SVOPL: variants seen among roughly 807,000 people sequenced by gnomAD.
The protein encoded by SVOPL is SVOP like.
Under a neutral mutation model 61.0 loss-of-function variants are expected in SVOPL, and 60 were observed. The ratio of observed to expected loss-of-function variants is 0.98; its 90% confidence interval spans 0.80 to 1.22. The LOEUF is 1.22. Ranked by LOEUF, SVOPL falls within the 50% of genes most tolerant of loss-of-function variation. The pLI is 0.00. For synonymous variants in SVOPL, 279 were observed against 250.0 expected, an observed-to-expected ratio of 1.12 and a Z score of -1.09; for missense variants, 662 against 643.9, an observed-to-expected ratio of 1.03 and a Z score of -0.30.
intron 5 of SVOPL, 61 bp downstream of exon 5, chr7:138,663,013 G>A: frequency 1.2e-6 from 2 of 1,611,036 alleles, no homozygotes; most frequent in South Asian, 1.1e-5. Flanking sequence ...ACAGTGATAA[G>A]GTTGCCCCCA....
chr7:138,677,913 C>A (rs376239644), intron 3 of SVOPL, among the ~76,000 whole-genome samples: 1 of 152,040 alleles, frequency 6.6e-6, no homozygotes, highest in Non-Finnish European at 1.5e-5. Context: ...CAGGCACCAG[C>A]CACCAAGCCC....
At chr7:138,689,778 A>C (rs1480209003) in intron 1 of SVOPL, among the ~76,000 whole-genome samples, 1 of 150,292 alleles carries the variant, frequency 6.7e-6, no homozygotes, top group Non-Finnish European at 1.5e-5. Context: ...AATCTCTTGA[A>C]CCTGGGAGGT....
intron 14 of SVOPL, among the ~76,000 whole-genome samples, chr7:138,613,609 A>G (rs1799151392): frequency 6.6e-6 from 1 of 152,052 alleles, no homozygotes; most frequent in African/African-American, 2.4e-5. Flanking sequence ...CAACTTCAGT[A>G]TCACCTTCCC....
intron 1 of SVOPL, among the ~76,000 whole-genome samples, chr7:138,691,744 T>TAC (rs1554476784): frequency 6.6e-6 from 1 of 151,530 alleles, no homozygotes; most frequent in Non-Finnish European, 1.5e-5. Flanking sequence ...TTTCGCCACG[T>TAC]TGGCCAGGCT....
chr7:138,620,444 CAAAAAAA>C (rs3080386), intron 14 of SVOPL, among the ~76,000 whole-genome samples: 5 of 87,304 alleles, frequency 5.7e-5, no homozygotes, highest in African/African-American at 1.7e-4. Flanking sequence ...TCTTTGCAGC[CAAAAAAA>C]AAAAAAAAAA....
chr7:138,661,858 A>G, intron 5 of SVOPL: 1 of 984,566 alleles, frequency 1.0e-6, no homozygotes, highest in Non-Finnish European at 1.2e-6. Flanking sequence ...CTCCCTACTT[A>G]TATTAATTTC....
intron 14 of SVOPL, among the ~76,000 whole-genome samples, chr7:138,599,167 A>AAACC (rs58372563): frequency 2.1e-4 from 25 of 121,834 alleles, no homozygotes; most frequent in African/African-American, 7.0e-4. Context: ...ACCAAAAAAA[A>AAACC]AAGAAATACA....
chr7:138,629,296 T>C (rs1464361614), intron 10 of SVOPL, among the ~76,000 whole-genome samples: 2 of 151,030 alleles, frequency 1.3e-5, no homozygotes, highest in Non-Finnish European at 2.9e-5. Flanking sequence ...AGTGGTGCAA[T>C]CTCGGCTCAC....
rs1476534224 is a variant in SVOPL at position 138,621,013 on chromosome 7, C to T, written c.1353+33G>A. 2.5e-6 allele frequency: 4 copies of T among 1,570,074 alleles called. No individual in the cohort carries two copies. The Admixed American group carries it at 6.9e-5, about 27-fold the overall frequency. The stretch of plus-strand genomic sequence containing the variant: ...GGTTCCTCTTACCCCCTCTCTCAGA[C>T]TCTCTCTCTCCCTGCAGGGTCCTTG... On this transcript the variant is annotated intron_variant, in intron 14 of 15. Coordinates refer to ENST00000674285, the MANE Select transcript of SVOPL (RefSeq NM_001139456.2).
chr7:138,671,511 C>T (rs945857092), intron 4 of SVOPL, among the ~76,000 whole-genome samples: 2 of 152,102 alleles, frequency 1.3e-5, no homozygotes, highest in African/African-American at 4.8e-5. Context: ...CCACATCTTG[C>T]TAATTTTTGT....
Position 138,607,030 on chromosome 7 carries a change from T to TG in SVOPL, c.1354-10501_1354-10500insC, listed in dbSNP as rs201540494. Among the ~76,000 whole-genome samples, 138 of 151,634 alleles carry TG rather than the reference T, an allele frequency of 9.1e-4. 2 individuals carry two copies. The East Asian group carries it at 0.018, about 20-fold the overall frequency. Reference sequence around the variant, plus strand: ...TGTCTGCTTAACTGTTTTTTGTTTTTTTTTTCATTCTCCTCTCTCAATACA... The same window carrying TG: ...TGTCTGCTTAACTGTTTTTTGTTTTTGTTTTTCATTCTCCTCTCTCAATACA... On this transcript the variant is annotated intron_variant, in intron 14 of 15. Coordinates refer to ENST00000674285, the MANE Select transcript of SVOPL (RefSeq NM_001139456.2).
At chr7:138,684,391 C>G (rs1038657036) in intron 1 of SVOPL, among the ~76,000 whole-genome samples, 1 of 149,888 alleles carries the variant, frequency 6.7e-6, no homozygotes, top group African/African-American at 2.5e-5. Context: ...GAAAAAGGAA[C>G]TCCTGCAACT....
intron 14 of SVOPL, among the ~76,000 whole-genome samples, chr7:138,604,241 G>A (rs1798654684): frequency 6.6e-6 from 1 of 152,038 alleles, no homozygotes; most frequent in Admixed American, 6.6e-5. Flanking sequence ...TGAGAGTACA[G>A]GCGTAAGCCA....
At chr7:138,664,101 C>T (rs1802138871) in intron 4 of SVOPL, 4 of 611,684 alleles carry the variant, frequency 6.5e-6, no homozygotes, top group Middle Eastern at 8.3e-4. Flanking sequence ...CCTGTCCGCT[C>T]GCTGGGGCTC....
At chr7:138,679,263 A>G (rs1459185829) in intron 1 of SVOPL, among the ~76,000 whole-genome samples, 184 bp from the exon 2 acceptor site, 1 of 151,658 alleles carries the variant, frequency 6.6e-6, no homozygotes, top group Non-Finnish European at 1.5e-5. Flanking sequence ...TTTTTCCCCT[A>G]CTACTTTTTA....
intron 6 of SVOPL, among the ~76,000 whole-genome samples, chr7:138,657,068 T>C (rs1302191125): frequency 6.6e-6 from 1 of 151,798 alleles, no homozygotes; most frequent in Non-Finnish European, 1.5e-5. Context: ...AATATAAGCC[T>C]TATCTGTTTT....
chr7:138,696,049 T>C lies in SVOPL; in HGVS notation c.-35+5129A>G, dbSNP rs1018107417. Reference sequence around the variant, plus strand: ...TGCCCACCTTGGCCTCCCAAAGTGCTAGGATTACATGCGTGGGCCACCGCA... The same window carrying C: ...TGCCCACCTTGGCCTCCCAAAGTGCCAGGATTACATGCGTGGGCCACCGCA... On this transcript the variant is annotated intron_variant, in intron 1 of 15. Transcript: ENST00000674285. Among the ~76,000 whole-genome samples, 44 of 152,302 alleles carry C rather than the reference T, an allele frequency of 2.9e-4. 1 individual carries two copies. Among genetic ancestry groups the C allele is most frequent in the Non-Finnish European group, 5.9e-5 (4 of 68,024 alleles).
chr7:138,656,085 G>A (rs1659811), intron 7 of SVOPL, among the ~76,000 whole-genome samples: 121,527 of 152,062 alleles, frequency 0.8, 48,976 homozygotes, highest in Middle Eastern at 0.87. Flanking sequence ...TTCAGCAACC[G>A]CCACCCTGAT....
In SVOPL at chr7:138,621,063, CCACCATTG is replaced by C; in HGVS notation, c.1328_1335del (p.Ala443GlyfsTer47). On this transcript the variant is annotated frameshift_variant, in exon 14 of 16. Transcript: ENST00000674285. LOFTEE classifies it high-confidence loss of function. ...GGCTGTACCTGGGATATAAATGGTG[CCACCATTG>C]CACCAATGCGACACAGGGAGCCGCT... 1 of 1,613,622 alleles carries C rather than the reference CCACCATTG, an allele frequency of 6.2e-7. No homozygotes were observed.
Sources: gnomAD v4.1 joint callset for allele counts (sites outside exome capture counted in the v4.1 genomes callset) on GRCh38, gnomAD v4.1.1 for gene constraint, MANE v1.5 for transcripts, NCBI Gene and HGNC (gene_info 2026-07-23, HGNC 2026-07-21) for gene names.